LIMK1: variants seen among roughly 807,000 people sequenced by gnomAD.
LIMK1 encodes the protein LIM domain kinase 1.
In LIMK1, 21 loss-of-function variants were observed where a neutral mutation model predicts 77.6. That is an observed-to-expected ratio of 0.27 (90% confidence interval 0.19 to 0.39). LIMK1 has a LOEUF of 0.39. LIMK1 is among the 10% of genes least tolerant of loss of function. The probability of loss-of-function intolerance (pLI) is 1.00; values close to 1 mark genes in which losing one functional copy is unlikely to be tolerated. For synonymous variants in LIMK1, 358 were observed against 370.0 expected, an observed-to-expected ratio of 0.97 and a Z score of 0.37; for missense variants, 696 against 901.6, an observed-to-expected ratio of 0.77 and a Z score of 2.92.
At chr7:74,112,437 T>C (rs1799718882) in intron 12 of LIMK1, among the ~76,000 whole-genome samples, 2 of 152,070 alleles carry the variant, frequency 1.3e-5, no homozygotes, top group Admixed American at 1.3e-4. Flanking sequence ...AAGAGGAGGC[T>C]TGGCCAGACA....
intron 5 of LIMK1, among the ~76,000 whole-genome samples, chr7:74,105,513 CAAAAAAAAAA>C: frequency 1.1e-5 from 1 of 93,722 alleles, no homozygotes; most frequent in Admixed American, 1.2e-4. Context: ...ATTCTGTCTC[CAAAAAAAAAA>C]AAAAAAAAAA....
intron 7 of LIMK1, among the ~76,000 whole-genome samples, chr7:74,106,538 AT>A (rs1196221882): frequency 2.0e-5 from 3 of 152,316 alleles, no homozygotes; most frequent in South Asian, 2.1e-4. Context: ...AGGCAGGTGG[AT>A]CACCTGAGGT....
chr7:74,117,212 A>G (rs1194882738), intron 13 of LIMK1, among the ~76,000 whole-genome samples: 2 of 151,974 alleles, frequency 1.3e-5, no homozygotes, highest in Non-Finnish European at 2.9e-5. Context: ...AGACGGGGGT[A>G]TCACTATGTT....
chr7:74,083,950 C>A lies in LIMK1; in HGVS notation c.-41C>A. On this transcript the variant is annotated 5_prime_UTR_variant, in exon 1 of 16. Transcript: ENST00000336180. The stretch of plus-strand genomic sequence containing the variant: ...GGGCGAGCTCGCGGGCCCGGCCGCC[C>A]CCAGCCCCAGCCCCGCCGGGCCCCG... The A allele has an allele frequency of 9.7e-6, 9 of 930,848 alleles. No individual in the cohort carries two copies. Among genetic ancestry groups the A allele is most frequent in the Non-Finnish European group, 1.3e-5 (9 of 710,502 alleles). 57.7% of individuals were successfully genotyped at this position (930,848 alleles called of 1,614,324 possible).
At chr7:74,120,137 C>G (rs1799900547) in intron 13 of LIMK1, among the ~76,000 whole-genome samples, 1 of 152,192 alleles carries the variant, frequency 6.6e-6, no homozygotes, top group Non-Finnish European at 1.5e-5. Context: ...CTCTGTGTCT[C>G]TCTCAAGAGG....
At position 74,121,376 on chromosome 7, in the gene LIMK1, C is replaced by A. The variant is rs1799936712; in HGVS notation, c.*75C>A. The A allele has an allele frequency of 2.1e-6, 3 of 1,396,134 alleles. No homozygotes were observed. Among genetic ancestry groups the A allele is most frequent in the East Asian group, 5.0e-5 (2 of 39,762 alleles). 86.5% of individuals were successfully genotyped at this position (1,396,134 alleles called of 1,614,324 possible). ...CACCAGATTCCTCCGCGGGAGGTGGCCCTCAGCTGGGACAGTGGGGACCCA... is the reference window on the plus strand; with the variant it reads ...CACCAGATTCCTCCGCGGGAGGTGGACCTCAGCTGGGACAGTGGGGACCCA... On this transcript the variant is annotated 3_prime_UTR_variant, in exon 16 of 16. Transcript: ENST00000336180.
At chr7:74,111,774 A>G (rs978150863) in intron 11 of LIMK1, 67 bp downstream of exon 11, 2 of 1,536,862 alleles carry the variant, frequency 1.3e-6, no homozygotes, top group African/African-American at 1.4e-5. Context: ...GAACCCACAA[A>G]GAAGCTTTGA....
Position 74,121,209 on chromosome 7 carries a change from G to A in LIMK1, c.1852G>A (p.Gly618Ser), listed in dbSNP as rs1554700545. 1.9e-6 allele frequency: 3 copies of A among 1,613,824 alleles called. No individual in the cohort carries two copies. The highest frequency in any genetic ancestry group is 1.7e-6 in the Non-Finnish European group (2 of 1,179,966). Reference sequence around the variant, plus strand: ...GCACCTGGCCGGCCACCTGCCACTGGGCCCACAGCTGGAGCAGCTGGACAG... The same window carrying A: ...GCACCTGGCCGGCCACCTGCCACTGAGCCCACAGCTGGAGCAGCTGGACAG... ...RMHLAGHLPL[G>S]PQLEQLDRGF... Residue 618 changes from glycine to serine, a missense_variant, in exon 16 of 16, where the codon GGC (glycine) becomes AGC (serine). By Grantham distance (56) the Gly-to-Ser change is moderately conservative. This residue lies in a region of LIMK1 where 438 missense variants were observed against 602.3 expected (regional missense o/e 0.73). Coordinates refer to ENST00000336180, the MANE Select transcript of LIMK1 (RefSeq NM_002314.4).
chr7:74,100,024 A>G (rs1263381106), intron 5 of LIMK1, among the ~76,000 whole-genome samples: 1 of 152,032 alleles, frequency 6.6e-6, no homozygotes, highest in Admixed American at 6.6e-5. Flanking sequence ...AAGGCTGGGC[A>G]TGGTTGCTCA....
chr7:74,114,914 CAAA>C lies in LIMK1; in HGVS notation c.1411-873_1411-871del, dbSNP rs569366868. Among the ~76,000 whole-genome samples the C allele has an allele frequency of 1.1e-4, 8 of 69,850 alleles. No homozygotes were observed. In the East Asian group the frequency reaches 1.2e-3, roughly 11 times the overall value. The allele number at this position is 69,850 out of a possible 152,430, so 45.8% of individuals were successfully genotyped here. A position where few individuals can be genotyped will look rare whatever the true frequency, so the allele number is the denominator to read the frequency against. ...TGGGCAATAGAGCAAGACTCCAACT[CAAA>C]AAAAAAAAAAAAAAGATAAAATTGG... On this transcript the variant is annotated intron_variant, in intron 12 of 15. Transcript: ENST00000336180.
chr7:74,106,958 G>C, intron 7 of LIMK1, 52 bp from the exon 8 acceptor site: 2 of 1,476,956 alleles, frequency 1.4e-6, no homozygotes, highest in East Asian at 2.5e-5. Context: ...CAGGGCCTTG[G>C]CCGGGTGCTA....
At chr7:74,101,709 T>G (rs1799460969) in intron 5 of LIMK1, among the ~76,000 whole-genome samples, 1 of 152,024 alleles carries the variant, frequency 6.6e-6, no homozygotes, top group East Asian at 1.9e-4. Flanking sequence ...TATAGCAGCG[T>G]TTTAAGGAAG....
intron 12 of LIMK1, among the ~76,000 whole-genome samples, chr7:74,114,598 C>T (rs2115742776): frequency 6.6e-6 from 1 of 151,018 alleles, no homozygotes; most frequent in South Asian, 2.1e-4. Flanking sequence ...AAACATAGAC[C>T]TCACCTGCTT....
intron 1 of LIMK1, 29 bp downstream of exon 1, chr7:74,084,074 G>A (rs782081144): frequency 7.3e-7 from 1 of 1,367,202 alleles, no homozygotes; most frequent in Non-Finnish European, 9.9e-7. Flanking sequence ...GTGGGGCGAG[G>A]GCCTGGAGGG....
At chr7:74,108,669 AAAAAG>A (rs1799632736) in intron 9 of LIMK1, among the ~76,000 whole-genome samples, 2 of 151,564 alleles carry the variant, frequency 1.3e-5, no homozygotes, top group East Asian at 1.9e-4. Context: ...AAAGAAAAGA[AAAAAG>A]AAAGTAACTG....
intron 2 of LIMK1, chr7:74,093,212 C>T: frequency 6.5e-7 from 1 of 1,535,276 alleles, no homozygotes; most frequent in South Asian, 1.2e-5. Context: ...CCCCTGCCCT[C>T]CCTTAGACCT....
intron 12 of LIMK1, among the ~76,000 whole-genome samples, chr7:74,112,508 C>T (rs1799721038): frequency 6.6e-6 from 1 of 151,758 alleles, no homozygotes; most frequent in African/African-American, 2.4e-5. Context: ...ATCACGAGGT[C>T]AGGAGATCGA....
chr7:74,085,246 T>C (rs1554693885), intron 1 of LIMK1, among the ~76,000 whole-genome samples: 1 of 152,204 alleles, frequency 6.6e-6, no homozygotes, highest in Admixed American at 6.5e-5. Flanking sequence ...GCCAAGGATC[T>C]GTTAGGGCCG....
rs1482134335 is a variant in LIMK1 at position 74,121,576 on chromosome 7, G to A, written c.*275G>A. 1 of 454,358 alleles carries A rather than the reference G, an allele frequency of 2.2e-6. No homozygotes were observed. Among genetic ancestry groups the A allele is most frequent in the Admixed American group, 3.9e-5 (1 of 25,970 alleles). 28.1% of individuals were successfully genotyped at this position (454,358 alleles called of 1,614,324 possible). A position where few individuals can be genotyped will look rare whatever the true frequency, so the allele number is the denominator to read the frequency against. ...TCCCCTCTTGCTTCTCCTTGCATGAGCTGGAGGGCCTGTGTGAGTTACGCC... is the reference window on the plus strand; with the variant it reads ...TCCCCTCTTGCTTCTCCTTGCATGAACTGGAGGGCCTGTGTGAGTTACGCC... On this transcript the variant is annotated 3_prime_UTR_variant, in exon 16 of 16. Coordinates refer to ENST00000336180, the MANE Select transcript of LIMK1 (RefSeq NM_002314.4).
Sources: allele counts gnomAD v4.1 joint callset (sites outside exome capture counted in the v4.1 genomes callset), GRCh38; gene constraint gnomAD v4.1.1; regional missense constraint gnomAD v4.1.1; transcripts MANE v1.5; gene names NCBI Gene and HGNC (gene_info 2026-07-23, HGNC 2026-07-21).